Variants in CCDC170 observed in about 807,000 individuals in gnomAD.
CCDC170 encodes coiled-coil domain-containing protein 170.
CCDC170 carries 69 observed loss-of-function variants against 72.6 expected under a neutral mutation model. The observed-to-expected ratio is 0.95, with a 90% CI of 0.78 to 1.16. The LOEUF (loss-of-function observed/expected upper bound fraction) is 1.16, where lower values mean the gene tolerates loss of function less well. CCDC170 is among the 50% of genes most tolerant of loss of function. The pLI is 0.00. For missense variants in CCDC170, 852 were observed against 832.5 expected (o/e 1.02, Z -0.29); for synonymous variants, 300 against 303.9 (o/e 0.99, Z 0.13).
chr6:151,593,067 G>A, intron 7 of CCDC170, 40 bp from the exon 8 acceptor site: 1 of 1,602,106 alleles, frequency 6.2e-7, no homozygotes, highest in Non-Finnish European at 8.5e-7. Flanking sequence ...CATTAACTTT[G>A]ACTTTCATGT....
In CCDC170 at chr6:151,536,421, T is replaced by C; in HGVS notation, c.161T>C (p.Val54Ala). ...CGAAGTGAACTTGCAGCAACTTTGG[T>C]CAAATTTGAATGTGCTCAGTCTGAG... is the stretch of plus-strand genomic sequence containing the variant. Reference protein sequence around the residue: ...NARSELAATLVKFECAQSELQ... With the variant: ...NARSELAATLAKFECAQSELQ... Residue 54 changes from valine to alanine, a missense_variant, in exon 2 of 11, where the codon GTC becomes GCC. Val to Ala is a moderately conservative substitution (Grantham distance 64, BLOSUM62 0). Coordinates refer to ENST00000239374, the MANE Select transcript of CCDC170 (RefSeq NM_025059.4). 1 of 1,613,910 alleles carries C rather than the reference T, an allele frequency of 6.2e-7. No homozygotes were observed. The highest frequency in any genetic ancestry group is 8.5e-7 in the Non-Finnish European group (1 of 1,179,968).
rs750672234 is a variant in CCDC170 at position 151,573,325 on chromosome 6, T to C, written c.926T>C (p.Leu309Ser). ...KKSSSELEKSLKASQDAVTTS... is the reference protein window; with the variant it reads ...KKSSSELEKSSKASQDAVTTS... Reference sequence around the variant, plus strand: ...AGCTCTTCTGAGTTGGAGAAGAGTTTGAAGGCCAGTCAGGATGCAGTCACA... The same window carrying C: ...AGCTCTTCTGAGTTGGAGAAGAGTTCGAAGGCCAGTCAGGATGCAGTCACA... Residue 309 changes from leucine to serine, a missense_variant, in exon 6 of 11, where the codon TTG (leucine) becomes TCG (serine). Physicochemically the swap from Leu to Ser is moderately radical, Grantham distance 145 (BLOSUM62 -2). Transcript: ENST00000239374. 5.0e-6 allele frequency: 8 copies of C among 1,614,162 alleles called. No homozygotes were observed. In the South Asian group the frequency reaches 8.8e-5, roughly 18 times the overall value.
At chr6:151,520,383 A>C (rs552627514) in intron 1 of CCDC170, among the ~76,000 whole-genome samples, 5 of 152,246 alleles carry the variant, frequency 3.3e-5, no homozygotes, top group Non-Finnish European at 7.3e-5. Flanking sequence ...CGAAATTATG[A>C]CTGAGACAGT....
intron 6 of CCDC170, among the ~76,000 whole-genome samples, chr6:151,583,853 A>AAGGAGAGGAAGTGGGGTC (rs1208464102): frequency 6.6e-6 from 1 of 152,206 alleles, no homozygotes; most frequent in African/African-American, 2.4e-5. Context: ...AGGGAGGCCC[A>AAGGAGAGGAAGTGGGGTC]AGGAGAGGAA....
At chr6:151,520,974 A>G (rs1425812666) in intron 1 of CCDC170, among the ~76,000 whole-genome samples, 1 of 152,174 alleles carries the variant, frequency 6.6e-6, no homozygotes, top group African/African-American at 2.4e-5. Context: ...CTCTATTGCA[A>G]TTCCCCTGTC....
rs200468150 is a variant in CCDC170, at chr6:151,541,881, TATATA to T, written c.444-2690_444-2686del. 8.4e-3 allele frequency among the ~76,000 whole-genome samples: 1,163 copies of T among 137,880 alleles called. 21 individuals are homozygous for T. The highest frequency in any genetic ancestry group is 0.033 in the African/African-American group (1,109 of 33,994). 90.5% of individuals were successfully genotyped at this position (137,880 alleles called of 152,430 possible). On this transcript the variant is annotated intron_variant, in intron 3 of 10. Coordinates refer to ENST00000239374, the MANE Select transcript of CCDC170 (RefSeq NM_025059.4). ...ATAAATATAAATATATATATATATA[TATATA>T]TTTTTTTTTTTAAGACAGAGTCTTG...
chr6:151,598,305 G>A (rs933506753), intron 9 of CCDC170, among the ~76,000 whole-genome samples: 4 of 152,210 alleles, frequency 2.6e-5, no homozygotes, highest in African/African-American at 9.6e-5. Flanking sequence ...TGCAAATGGT[G>A]ATGAATCTTG....
chr6:151,609,066 G>A (rs1473489716), intron 9 of CCDC170, among the ~76,000 whole-genome samples: 1 of 152,120 alleles, frequency 6.6e-6, no homozygotes, highest in African/African-American at 2.4e-5. Flanking sequence ...CTGCCTTCCT[G>A]AGTTTTTGCA....
At chr6:151,606,928 G>A (rs1583049115) in intron 9 of CCDC170, among the ~76,000 whole-genome samples, 1 of 151,598 alleles carries the variant, frequency 6.6e-6, no homozygotes, top group African/African-American at 2.4e-5. Context: ...AGCTAGTTCT[G>A]CTTGATTTTG....
intron 5 of CCDC170, among the ~76,000 whole-genome samples, chr6:151,555,599 G>A (rs1024469662): frequency 8.5e-5 from 13 of 152,184 alleles, no homozygotes; most frequent in Non-Finnish European, 1.3e-4. Flanking sequence ...TAGAAATGGG[G>A]AACTCACTAC....
intron 9 of CCDC170, among the ~76,000 whole-genome samples, chr6:151,612,199 G>A (rs1776884170): frequency 6.6e-6 from 1 of 152,116 alleles, no homozygotes; most frequent in African/African-American, 2.4e-5. Flanking sequence ...ACTTTCTAGT[G>A]GGATAGTGAG....
At chr6:151,521,254 C>A (rs1782310049) in intron 1 of CCDC170, among the ~76,000 whole-genome samples, 1 of 152,102 alleles carries the variant, frequency 6.6e-6, no homozygotes, top group Admixed American at 6.6e-5. Context: ...GGATGGGATC[C>A]TAAACTGGAG....
intron 5 of CCDC170, among the ~76,000 whole-genome samples, chr6:151,563,074 A>C (rs766279502): frequency 3.3e-5 from 5 of 152,174 alleles, no homozygotes; most frequent in Admixed American, 6.5e-5. Context: ...CTCTTCCCCC[A>C]GACCAGAGCA....
chr6:151,512,439 C>T (rs1782163932), intron 1 of CCDC170, among the ~76,000 whole-genome samples: 1 of 152,014 alleles, frequency 6.6e-6, no homozygotes, highest in Admixed American at 6.6e-5. Context: ...GGATTACAGG[C>T]ATAAGCCACT....
chr6:151,544,850 G>A, intron 4 of CCDC170, 134 bp downstream of exon 4: 1 of 772,544 alleles, frequency 1.3e-6, no homozygotes, highest in Non-Finnish European at 2.0e-6. Flanking sequence ...TTAATTAACT[G>A]TATGACTTGG....
At chr6:151,541,882 ATATAT>A (rs1390477559) in intron 3 of CCDC170, among the ~76,000 whole-genome samples, 76 of 58,528 alleles carry the variant, frequency 1.3e-3, no homozygotes, top group African/African-American at 3.4e-3. Flanking sequence ...ATATATATAT[ATATAT>A]TTTTTTTTTT....
At chr6:151,510,141 TAAAC>T (rs920971591) in intron 1 of CCDC170, among the ~76,000 whole-genome samples, 7 of 149,322 alleles carry the variant, frequency 4.7e-5, no homozygotes, top group African/African-American at 1.8e-4. Flanking sequence ...ATAAAACAAA[TAAAC>T]AAACAACAAC....
At chr6:151,531,513 A>G (rs1782489966) in intron 1 of CCDC170, among the ~76,000 whole-genome samples, 2 of 152,348 alleles carry the variant, frequency 1.3e-5, no homozygotes, top group Non-Finnish European at 2.9e-5. Flanking sequence ...CTGAGGCAGG[A>G]GGATCAACTG....
At chr6:151,511,016 G>T (rs1475391669) in intron 1 of CCDC170, among the ~76,000 whole-genome samples, 5 of 152,146 alleles carry the variant, frequency 3.3e-5, no homozygotes, top group Non-Finnish European at 7.4e-5. Context: ...GATTTCAGGT[G>T]TGAGCCACTG....
Sources: gnomAD v4.1 joint callset for allele counts (sites outside exome capture counted in the v4.1 genomes callset) on GRCh38, gnomAD v4.1.1 for gene constraint, MANE v1.5 for transcripts, NCBI Gene and HGNC (gene_info 2026-07-23, HGNC 2026-07-21) for gene names.